Variants in LRP8 observed in about 807,000 individuals in gnomAD.
The protein encoded by LRP8 is low-density lipoprotein receptor-related protein 8.
A neutral mutation model predicts 111.6 loss-of-function variants in LRP8; 46 were observed. That is an observed-to-expected ratio of 0.41 (90% CI 0.33 to 0.53). The LOEUF (loss-of-function observed/expected upper bound fraction) is 0.53. Ranked by LOEUF, LRP8 falls within the 20% of genes least tolerant of loss-of-function variation. The pLI is 0.20. For missense variants in LRP8, 959 were observed against 1,297.4 expected, an observed-to-expected ratio of 0.74 and a Z score of 4.01; for synonymous variants, 464 against 511.2, an observed-to-expected ratio of 0.91 and a Z score of 1.24.
At chr1:53,325,340 A>T (rs1381036076) in intron 2 of LRP8, among the ~76,000 whole-genome samples, 2 of 152,128 alleles carry the variant, frequency 1.3e-5, no homozygotes, top group Non-Finnish European at 2.9e-5. Context: ...TTTGTTTTTT[A>T]ATCTCTAAAA....
At chr1:53,268,801 T>C (rs1646668406) in intron 8 of LRP8, among the ~76,000 whole-genome samples, 1 of 152,182 alleles carries the variant, frequency 6.6e-6, no homozygotes, top group Non-Finnish European at 1.5e-5. Flanking sequence ...CCACATTCAA[T>C]TCATAAGCAA....
rs1158317243 is a variant in LRP8 at position 53,328,022 on chromosome 1, G to C, written c.-110C>G. ...CGCCGGGGTTGCCGCTGCCCCCGCC[G>C]CCGCCGCCGCCGCCGCTGCCGCCCG... On this transcript the variant is annotated 5_prime_UTR_variant, in exon 1 of 19. Transcript: ENST00000306052. The C allele has an allele frequency of 2.0e-6, 1 of 488,586 alleles. No homozygotes were observed. Among genetic ancestry groups the C allele is most frequent in the Non-Finnish European group, 2.6e-6 (1 of 378,460 alleles). The allele number at this position is 488,586 out of a possible 1,614,324, so 30.3% of individuals were successfully genotyped here. A position where few individuals can be genotyped will look rare whatever the true frequency, so the allele number is the denominator to read the frequency against.
chr1:53,262,395 T>A lies in LRP8; in HGVS notation c.1774+51A>T, dbSNP rs756715042. ...AGACTCATGGAGTTCCAGACAGTGA[T>A]CAGGACAAGGCACTAGAATAGGCCC... On this transcript the variant is annotated intron_variant, in intron 11 of 18. Transcript: ENST00000306052. The surrounding 1 kb of genome is among the most constrained non-coding windows in gnomAD (Gnocchi z 4.8). 20 of 1,570,688 alleles carry A rather than the reference T, an allele frequency of 1.3e-5. No homozygotes were observed. The East Asian group carries it at 4.0e-4, about 32-fold the overall frequency.
Position 53,264,397 on chromosome 1 carries a change from C to T in LRP8, c.1428-1G>A. 6.2e-7 allele frequency: 1 copy of T among 1,612,190 alleles called. No homozygotes were observed. On this transcript the variant is annotated splice_acceptor_variant, in intron 9 of 18. Transcript: ENST00000306052. LOFTEE classifies it high-confidence loss of function. ...GTCACTGGCCTTGTCCATGTAGGCG[C>T]TTAAGAGAAAACAGAGATGACCATG... is the stretch of plus-strand genomic sequence containing the variant.
chr1:53,252,540 TAAAAA>T (rs1414828890), intron 16 of LRP8, among the ~76,000 whole-genome samples: 1 of 151,846 alleles, frequency 6.6e-6, no homozygotes, highest in Non-Finnish European at 1.5e-5. Context: ...TCTTGTCTCT[TAAAAA>T]GAAAAAGAAA....
chr1:53,288,547 CCTTTCT>C (rs1432660526), intron 3 of LRP8: 4 of 152,014 alleles, frequency 2.6e-5, no homozygotes, highest in African/African-American at 7.3e-5. Flanking sequence ...TCTCTCTCTC[CCTTTCT>C]CTTTCTCTTA....
chr1:53,290,784 CCT>C (rs2100464823), intron 2 of LRP8, among the ~76,000 whole-genome samples: 1 of 152,220 alleles, frequency 6.6e-6, no homozygotes, highest in South Asian at 2.1e-4. Context: ...GAGCAGTTGC[CCT>C]GTCAGGACTT....
intron 4 of LRP8, among the ~76,000 whole-genome samples, chr1:53,278,906 G>T (rs1010626513): frequency 2.8e-4 from 41 of 148,218 alleles, no homozygotes; most frequent in African/African-American, 9.9e-4. Flanking sequence ...TAGCCACCAC[G>T]CCCGGCTAAT....
chr1:53,249,801 A>AT lies in LRP8; in HGVS notation c.2677-246dup, dbSNP rs747643084. 2.6e-4 allele frequency among the ~76,000 whole-genome samples: 40 copies of AT among 152,244 alleles called. No individual in the cohort carries two copies. The highest frequency in any genetic ancestry group is 5.0e-4 in the Non-Finnish European group (34 of 68,042). On this transcript the variant is annotated intron_variant, in intron 17 of 18. Coordinates refer to ENST00000306052, the MANE Select transcript of LRP8 (RefSeq NM_004631.5). The surrounding 1 kb of genome is among the most constrained non-coding windows in gnomAD (Gnocchi z 4.1). The stretch of plus-strand genomic sequence containing the variant: ...CCATCTGTCACCTTCTCTGTGAGGC[A>AT]TTCCTTGCCTGATTCCCCAGACAGA...
chr1:53,288,983 C>T (rs1648122340), intron 3 of LRP8, among the ~76,000 whole-genome samples: 2 of 152,182 alleles, frequency 1.3e-5, no homozygotes, highest in African/African-American at 4.8e-5. Flanking sequence ...CTGCTACCAC[C>T]CAGCTGGCCA....
chr1:53,269,297 C>T (rs1482132095), intron 8 of LRP8, among the ~76,000 whole-genome samples: 1 of 151,924 alleles, frequency 6.6e-6, no homozygotes, highest in African/African-American at 2.4e-5. Flanking sequence ...ACCTCCCTCA[C>T]TCCCTTTTTA....
chr1:53,280,446 T>C, intron 4 of LRP8, 141 bp downstream of exon 4: 2 of 1,022,332 alleles, frequency 2.0e-6, no homozygotes, highest in East Asian at 5.4e-5. Context: ...ATCTAGCCAT[T>C]ACTAGTGTCC....
chr1:53,250,410 G>A lies in LRP8; in HGVS notation c.2676+280C>T, dbSNP rs1176834152. On this transcript the variant is annotated intron_variant, in intron 17 of 18. Transcript: ENST00000306052. The surrounding 1 kb of genome is among the most constrained non-coding windows in gnomAD (Gnocchi z 4.6). ...CTTAACCACCTACCCCAGCATTTCT[G>A]TGTTCCCCAGGGCCTAGAACAGTGC... 1.2e-4 allele frequency among the ~76,000 whole-genome samples: 19 copies of A among 152,074 alleles called. No individual in the cohort carries two copies. Among genetic ancestry groups the A allele is most frequent in the Admixed American group, 1.2e-3 (19 of 15,272 alleles).
In LRP8 at chr1:53,326,893, T is replaced by C; in HGVS notation, c.224A>G (p.His75Arg). The C allele has an allele frequency of 1.9e-6, 3 of 1,613,068 alleles. No homozygotes were observed. The highest frequency in any genetic ancestry group is 2.5e-6 in the Non-Finnish European group (3 of 1,179,668). Residue 75 changes from histidine to arginine, a missense_variant, in exon 2 of 19, where the codon CAC (histidine) becomes CGC (arginine). By Grantham distance (29) the His-to-Arg change is conservative. Transcript: ENST00000306052. Reference sequence around the variant, plus strand: ...CTCACGGCAGTCGTCCTCGTCGCTGTGGTCTAAGCAGTCATCGTCCTCGTC... The same window carrying C: ...CTCACGGCAGTCGTCCTCGTCGCTGCGGTCTAAGCAGTCATCGTCCTCGTC... ...RCDEDDDCLDHSDEDDCPKKT... is the reference protein window; with the variant it reads ...RCDEDDDCLDRSDEDDCPKKT...
intron 3 of LRP8, among the ~76,000 whole-genome samples, chr1:53,285,993 A>G (rs530385151): frequency 6.6e-6 from 1 of 152,360 alleles, no homozygotes; most frequent in Admixed American, 6.5e-5. Flanking sequence ...ATTCAAATCC[A>G]TTGGTACTTT....
intron 2 of LRP8, among the ~76,000 whole-genome samples, chr1:53,291,603 A>G (rs551376383): frequency 2.6e-5 from 4 of 152,246 alleles, no homozygotes; most frequent in African/African-American, 7.2e-5. Flanking sequence ...CTTGATCAGT[A>G]GCCTCTCCTG....
intron 18 of LRP8, among the ~76,000 whole-genome samples, chr1:53,247,722 T>C (rs1645771511): frequency 6.6e-6 from 1 of 152,228 alleles, no homozygotes. Context: ...AATGTGAAAT[T>C]TGTTTGTTTA....
chr1:53,327,498 C>T (rs1933534), intron 1 of LRP8: 105,929 of 325,914 alleles, frequency 0.33, 18,008 homozygotes, highest in African/African-American at 0.41. Context: ...AATCACACAG[C>T]TCATCCGGAA....
At chr1:53,290,427 T>C (rs371798618) in intron 2 of LRP8, among the ~76,000 whole-genome samples, 1 of 151,954 alleles carries the variant, frequency 6.6e-6, no homozygotes, top group African/African-American at 2.4e-5. Flanking sequence ...GAAGTCGTAA[T>C]GTATGAAGAA....
Sources: allele counts gnomAD v4.1 joint callset (sites outside exome capture counted in the v4.1 genomes callset), GRCh38; gene constraint gnomAD v4.1.1; non-coding constraint Gnocchi (gnomAD v3.1); transcripts MANE v1.5; gene names NCBI Gene and HGNC (gene_info 2026-07-23, HGNC 2026-07-21).